Variants in OR11A1 observed in about 807,000 individuals in gnomAD.
OR11A1 encodes olfactory receptor family 11 subfamily A member 1, also known as olfactory receptor 11A1.
For missense variants in OR11A1, 380 were observed against 378.2 expected, an observed-to-expected ratio of 1.00 and a Z score of -0.04; for synonymous variants, 158 against 152.2, an observed-to-expected ratio of 1.04 and a Z score of -0.28.
intron 1 of OR11A1, among the ~76,000 whole-genome samples, chr6:29,442,627 GA>G (rs929756343): frequency 5.3e-5 from 8 of 152,182 alleles, no homozygotes; most frequent in African/African-American, 1.4e-4. Context: ...TGCAAAGTAA[GA>G]AAACACTCAA....
intron 1 of OR11A1, among the ~76,000 whole-genome samples, chr6:29,437,013 C>T (rs913730465): frequency 1.1e-4 from 16 of 152,164 alleles, no homozygotes; most frequent in Non-Finnish European, 2.1e-4. Flanking sequence ...AGCTAGAATG[C>T]CGATCATTAA....
At chr6:29,454,840 A>G (rs1205189504) in intron 1 of OR11A1, among the ~76,000 whole-genome samples, 3 of 152,114 alleles carry the variant, frequency 2.0e-5, no homozygotes, top group Non-Finnish European at 4.4e-5. Context: ...TACTGGAGGA[A>G]CCAGATATAG....
chr6:29,445,596 T>G (rs58921752), intron 1 of OR11A1, among the ~76,000 whole-genome samples: 7,666 of 152,238 alleles, frequency 0.05, 375 homozygotes, highest in African/African-American at 0.12. Context: ...CTTCCCTGCA[T>G]CAGCTCCTCC....
chr6:29,456,872 A>G (rs538945194), intron 1 of OR11A1, 115 bp downstream of exon 1: 2 of 152,276 alleles, frequency 1.3e-5, no homozygotes, highest in East Asian at 3.9e-4. Context: ...CTTTTTAAAA[A>G]CTTTTTGTGA....
chr6:29,441,559 A>G (rs535050249), intron 1 of OR11A1, among the ~76,000 whole-genome samples: 1 of 152,212 alleles, frequency 6.6e-6, no homozygotes, highest in Non-Finnish European at 1.5e-5. Flanking sequence ...TAGCTAAGTG[A>G]TCACAGGTGA....
In OR11A1 at chr6:29,426,916, G is replaced by T; in HGVS notation, c.726C>A (p.Cys242Ter). The T allele has an allele frequency of 1.2e-6, 2 of 1,613,040 alleles. No homozygotes were observed. The highest frequency in any genetic ancestry group is 2.2e-5 in the South Asian group (2 of 91,076). Residue 242 changes from cysteine to a stop codon, truncating the protein, a stop_gained, in exon 5 of 5, where the codon TGC (cysteine) becomes TGA (stop). Coordinates refer to ENST00000377149, the MANE Select transcript of OR11A1 (RefSeq NM_001394828.1). LOFTEE classifies it low-confidence loss of function (END_TRUNC). ...GASRRRAFST[C>*]SSHLAVVTTF... ...TGGTCACTACAGCTAGGTGGGAGGA[G>T]CATGTGGAGAAAGCCCTTCTCCTGC...
At chr6:29,442,280 T>C (rs1784271300) in intron 1 of OR11A1, among the ~76,000 whole-genome samples, 1 of 151,990 alleles carries the variant, frequency 6.6e-6, no homozygotes, top group African/African-American at 2.4e-5. Context: ...AGCCAAAAAC[T>C]ACCAAGACAC....
intron 1 of OR11A1, chr6:29,439,455 G>C (rs1489174426): frequency 6.5e-6 from 1 of 152,744 alleles, no homozygotes; most frequent in African/African-American, 2.4e-5. Context: ...TCTCCTCCTT[G>C]AACACTGTGA....
chr6:29,441,496 C>T (rs980018463), intron 1 of OR11A1, among the ~76,000 whole-genome samples: 3 of 152,178 alleles, frequency 2.0e-5, no homozygotes, highest in African/African-American at 7.2e-5. Context: ...GTTAAGAGAA[C>T]AGATTCTGAT....
Position 29,427,695 on chromosome 6 carries a change from T to G in OR11A1, c.-54A>C. ...TAATTGGGGGAGAAATTTTAGCATGTCTCTGCATCTTCTATACCAAGCCTA... is the reference window on the plus strand; with the variant it reads ...TAATTGGGGGAGAAATTTTAGCATGGCTCTGCATCTTCTATACCAAGCCTA... On this transcript the variant is annotated 5_prime_UTR_variant, in exon 5 of 5. Coordinates refer to ENST00000377149, the MANE Select transcript of OR11A1 (RefSeq NM_001394828.1). 6.4e-7 allele frequency: 1 copy of G among 1,556,944 alleles called. No homozygotes were observed. Among genetic ancestry groups the G allele is most frequent in the Non-Finnish European group, 8.7e-7 (1 of 1,152,614 alleles).
chr6:29,427,008 A>G lies in OR11A1; in HGVS notation c.634T>C (p.Phe212Leu). ...GCATAAGATGTCAGAATCAGTCCAAAAGGAATAGTGAGGCAGAACACAGAC... is the reference window on the plus strand; with the variant it reads ...GCATAAGATGTCAGAATCAGTCCAAGAGGAATAGTGAGGCAGAACACAGAC... ...ILSVFCLTIP[F>L]GLILTSYARI... is the part of the protein sequence containing the mutation. The change falls in exon 5 of 5, where the codon TTT (phenylalanine) becomes CTT (leucine). Residue 212 changes from phenylalanine (F) to leucine (L), a missense_variant. By Grantham distance (22) the Phe-to-Leu change is conservative. Coordinates refer to ENST00000377149, the MANE Select transcript of OR11A1 (RefSeq NM_001394828.1). 1.2e-6 allele frequency: 2 copies of G among 1,612,756 alleles called. No individual in the cohort carries two copies. The highest frequency in any genetic ancestry group is 1.7e-6 in the Non-Finnish European group (2 of 1,180,022).
intron 1 of OR11A1, among the ~76,000 whole-genome samples, chr6:29,435,604 C>G (rs1263960538): frequency 6.6e-6 from 1 of 152,154 alleles, no homozygotes; most frequent in Non-Finnish European, 1.5e-5. Context: ...TGGACCTAAC[C>G]CAAAATATTG....
At chr6:29,427,877 T>A in intron 4 of OR11A1, 145 bp from the exon 5 acceptor site, 1 of 677,828 alleles carries the variant, frequency 1.5e-6, no homozygotes, top group Non-Finnish European at 2.4e-6. Context: ...GCATATTCTT[T>A]AACGCTCAGA....
intron 1 of OR11A1, among the ~76,000 whole-genome samples, chr6:29,442,000 T>C (rs1467477145): frequency 2.0e-5 from 3 of 152,212 alleles, no homozygotes; most frequent in African/African-American, 4.8e-5. Context: ...CAGAGTCTAA[T>C]TCATTGGGTT....
At position 29,427,269 on chromosome 6, in the gene OR11A1, G is replaced by C. The variant is rs1443528363; in HGVS notation, c.373C>G (p.Leu125Val). 3.1e-6 allele frequency: 5 copies of C among 1,613,002 alleles called. No homozygotes were observed. The highest frequency in any genetic ancestry group is 4.2e-6 in the Non-Finnish European group (5 of 1,180,050). ...TAGTGGAGTGGGTAGCAAATTGCCA[G>C]GTAGCGGTCATATGCCATGACAGCC... ...LLAVMAYDRY[L>V]AICYPLHYPL... Residue 125 changes from leucine to valine, a missense_variant, in exon 5 of 5, where the codon CTG becomes GTG. Leu to Val is a conservative substitution (Grantham distance 32). Transcript: ENST00000377149.
chr6:29,432,426 TA>T, intron 1 of OR11A1, among the ~76,000 whole-genome samples: 1 of 152,232 alleles, frequency 6.6e-6, no homozygotes, highest in East Asian at 1.9e-4. Context: ...GCAACATCCC[TA>T]AATTCCCCAT....
chr6:29,433,459 A>G (rs1031358402), intron 1 of OR11A1, among the ~76,000 whole-genome samples: 17 of 152,264 alleles, frequency 1.1e-4, no homozygotes, highest in South Asian at 2.1e-4. Flanking sequence ...GACTTATTTC[A>G]GTTAATATAA....
chr6:29,426,872 A>G lies in OR11A1; in HGVS notation c.770T>C (p.Met257Thr). ...AVVTTFYGTL[M>T]IFYVAPSAVH... is the part of the protein sequence containing the mutation. ...AGCAGAGGGTGCAACATAAAAGATC[A>G]TGAGCGTTCCATAGAATGTGGTCAC... The change falls in exon 5 of 5, where the codon ATG (methionine) becomes ACG (threonine). Residue 257 changes from methionine to threonine, a missense_variant. Met to Thr is a moderately conservative substitution (Grantham distance 81, BLOSUM62 -1). Coordinates refer to ENST00000377149, the MANE Select transcript of OR11A1 (RefSeq NM_001394828.1). The G allele has an allele frequency of 6.2e-7, 1 of 1,613,042 alleles. No individual in the cohort carries two copies. The highest frequency in any genetic ancestry group is 8.5e-7 in the Non-Finnish European group (1 of 1,179,960).
At chr6:29,445,725 G>T (rs1784695038) in intron 1 of OR11A1, among the ~76,000 whole-genome samples, 1 of 152,216 alleles carries the variant, frequency 6.6e-6, no homozygotes, top group Non-Finnish European at 1.5e-5. Flanking sequence ...CAGGGGCCAG[G>T]AAAGGGATGT....
Sources: gnomAD v4.1 joint callset for allele counts (sites outside exome capture counted in the v4.1 genomes callset) on GRCh38, gnomAD v4.1.1 for gene constraint, MANE v1.5 for transcripts, NCBI Gene and HGNC (gene_info 2026-07-23, HGNC 2026-07-21) for gene names.